The following GRAMD2B variants were observed in gnomAD, a reference collection of about 807,000 sequenced individuals.
GRAMD2B encodes the protein GRAM domain containing 2B.
A neutral mutation model predicts 59.2 loss-of-function variants in GRAMD2B; 41 were observed. The observed-to-expected ratio is 0.69, with a 90% CI of 0.54 to 0.90. GRAMD2B has a LOEUF of 0.90. Among genes scored for constraint, GRAMD2B ranks in the 40% least tolerant of loss-of-function variants. GRAMD2B has a pLI of 0.00. For synonymous variants in GRAMD2B, 161 were observed against 182.7 expected, an observed-to-expected ratio of 0.88 and a Z score of 0.96; for missense variants, 424 against 500.5, an observed-to-expected ratio of 0.85 and a Z score of 1.46.
intron 1 of GRAMD2B, among the ~76,000 whole-genome samples, chr5:126,392,264 T>C (rs1170516415): frequency 6.6e-6 from 1 of 152,164 alleles, no homozygotes; most frequent in Non-Finnish European, 1.5e-5. Context: ...TCACCATTAT[T>C]CGACTCATGG....
Position 126,454,461 on chromosome 5 carries a change from T to C in GRAMD2B, c.84-10965T>C, listed in dbSNP as rs1012194972. Among the ~76,000 whole-genome samples, 10 of 152,316 alleles carry C rather than the reference T, an allele frequency of 6.6e-5. No individual in the cohort carries two copies. In the East Asian group the frequency reaches 1.9e-3, roughly 29 times the overall value. The stretch of plus-strand genomic sequence containing the variant: ...AGCCCTTGGGAGCTGTTTGGTTGCT[T>C]TTTTAAAAAATCAAGCTAGTTTGAG... On this transcript the variant is annotated intron_variant, in intron 1 of 13. Transcript: ENST00000285689.
rs1755556595 is a variant in GRAMD2B at position 126,380,314 on chromosome 5, T to C, written c.125+8747T>C. ...ATGCTGTTTTGGTGACTATGGCTTA[T>C]GGTATAGTTTGAAGTCAGGTAATGT... On this transcript the variant is annotated intron_variant, in intron 1 of 8. Coordinates refer to the GRAMD2B transcript ENST00000506445. Among the ~76,000 whole-genome samples the C allele has an allele frequency of 1.3e-5, 2 of 152,306 alleles. 1 individual carries two copies. Among genetic ancestry groups the C allele is most frequent in the Middle Eastern group, 6.8e-3 (2 of 294 alleles).
intron 13 of GRAMD2B, among the ~76,000 whole-genome samples, chr5:126,489,782 C>T (rs2126977681): frequency 9.0e-6 from 1 of 111,366 alleles, no homozygotes; most frequent in African/African-American, 3.3e-5. Flanking sequence ...TACCCTAATC[C>T]TTCAGGAAAG....
chr5:126,413,306 C>G (rs1170134886), intron 1 of GRAMD2B, among the ~76,000 whole-genome samples: 1 of 151,998 alleles, frequency 6.6e-6, no homozygotes, highest in East Asian at 1.9e-4. Context: ...TGTTGTGTCT[C>G]TGTTTTCATT....
chr5:126,407,145 A>G (rs1758330918), intron 1 of GRAMD2B, among the ~76,000 whole-genome samples: 1 of 152,020 alleles, frequency 6.6e-6, no homozygotes, highest in Non-Finnish European at 1.5e-5. Context: ...ACAGTGAGTG[A>G]CAGAGGTAAG....
At chr5:126,466,012 G>A (rs569247613) in intron 2 of GRAMD2B, among the ~76,000 whole-genome samples, 1 of 152,236 alleles carries the variant, frequency 6.6e-6, no homozygotes, top group East Asian at 1.9e-4. Flanking sequence ...GGGGAGAGGT[G>A]GTTTTGAGAT....
intron 1 of GRAMD2B, among the ~76,000 whole-genome samples, chr5:126,425,533 G>A (rs75399985): frequency 0.19 from 28,681 of 152,150 alleles, 3,027 homozygotes; most frequent in East Asian, 0.46. Flanking sequence ...TTGGGAGGCC[G>A]AGGCTGGAGG....
chr5:126,457,944 C>A, intron 1 of GRAMD2B, among the ~76,000 whole-genome samples: 1 of 152,170 alleles, frequency 6.6e-6, no homozygotes, highest in East Asian at 1.9e-4. Context: ...GTGCTACCTT[C>A]TTTCTCTGAA....
chr5:126,491,486 C>G (rs1773922584), intron 13 of GRAMD2B, among the ~76,000 whole-genome samples: 1 of 152,158 alleles, frequency 6.6e-6, no homozygotes, highest in Non-Finnish European at 1.5e-5. Context: ...TACTTCAGCT[C>G]CCTGGCCCTT....
At chr5:126,370,255 A>G (rs79914578), upstream of GRAMD2B, among the ~76,000 whole-genome samples, 1 of 152,368 alleles carries the variant, frequency 6.6e-6, no homozygotes, top group African/African-American at 2.4e-5. Flanking sequence ...TAGGGTCAAT[A>G]CAGCATGTAG....
At chr5:126,466,711 A>AT (rs1368080677) in intron 2 of GRAMD2B, among the ~76,000 whole-genome samples, 5 of 151,654 alleles carry the variant, frequency 3.3e-5, no homozygotes, top group African/African-American at 9.7e-5. Flanking sequence ...CACTTTAACA[A>AT]TTTTTTTTCC....
At chr5:126,470,642 T>G (rs1316645813) in intron 3 of GRAMD2B, among the ~76,000 whole-genome samples, 1 of 152,074 alleles carries the variant, frequency 6.6e-6, no homozygotes, top group Non-Finnish European at 1.5e-5. Flanking sequence ...CACTGCAACC[T>G]CCACCTCCCG....
At chr5:126,407,617 C>A (rs1758374760) in intron 1 of GRAMD2B, among the ~76,000 whole-genome samples, 1 of 151,916 alleles carries the variant, frequency 6.6e-6, no homozygotes, top group Admixed American at 6.6e-5. Context: ...GACAAGGATT[C>A]AGCATAAATA....
At chr5:126,490,351 TG>T (rs33996714) in intron 13 of GRAMD2B, 107,232 of 151,972 alleles carry the variant, frequency 0.71, 38,284 homozygotes, top group East Asian at 0.97. Context: ...ACTCTCCCGC[TG>T]GGCCTGGCCG....
chr5:126,421,179 TA>T (rs780878551), upstream of GRAMD2B, among the ~76,000 whole-genome samples: 13 of 152,294 alleles, frequency 8.5e-5, no homozygotes, highest in Non-Finnish European at 1.5e-4. Context: ...TGGTGATAGT[TA>T]AATAACATTG....
At chr5:126,443,711 C>T (rs1763679318) in intron 1 of GRAMD2B, among the ~76,000 whole-genome samples, 1 of 152,202 alleles carries the variant, frequency 6.6e-6, no homozygotes, top group Admixed American at 6.5e-5. Context: ...TGACTTCATG[C>T]ATGCATGTTG....
chr5:126,423,972 C>T (rs1441972524), intron 1 of GRAMD2B, among the ~76,000 whole-genome samples: 2 of 152,196 alleles, frequency 1.3e-5, no homozygotes, highest in East Asian at 1.9e-4. Flanking sequence ...TAAGCCTAAC[C>T]ACATTGAAGC....
exon 1 of GRAMD2B, chr5:126,360,246 G>A (rs373929560): frequency 2.7e-6 from 4 of 1,463,684 alleles, no homozygotes; most frequent in East Asian, 5.0e-5. Flanking sequence ...GGCTCAAAGA[G>A]CTGTGGTTGG....
Position 126,383,725 on chromosome 5 carries a change from G to A in GRAMD2B, c.125+12158G>A, listed in dbSNP as rs116823938. 7.8e-3 allele frequency among the ~76,000 whole-genome samples: 1,181 copies of A among 152,264 alleles called. 9 individuals carry two copies. Among genetic ancestry groups the A allele is most frequent in the Non-Finnish European group, 0.011 (728 of 68,006 alleles). ...AATGGCATTATCCAAGTTCATGGAC[G>A]AATTTATTCACCCAGCTTGGCTTCA... On this transcript the variant is annotated intron_variant, in intron 1 of 8. Coordinates refer to the GRAMD2B transcript ENST00000506445.
Sources: allele counts gnomAD v4.1 joint callset (sites outside exome capture counted in the v4.1 genomes callset), GRCh38; gene constraint gnomAD v4.1.1; transcripts MANE v1.5; gene names NCBI Gene and HGNC (gene_info 2026-07-23, HGNC 2026-07-21).